Variants in PHF24 observed in about 807,000 individuals in gnomAD.
PHF24 encodes the protein Galpha inhibitory interacting protein.
PHF24 carries 25 observed loss-of-function variants against 42.6 expected under a neutral mutation model. The observed-to-expected ratio is 0.59, with a 90% CI of 0.43 to 0.82. The LOEUF (loss-of-function observed/expected upper bound fraction) is 0.82, where lower values mean the gene tolerates loss of function less well. Ranked by LOEUF, PHF24 falls within the 40% of genes least tolerant of loss-of-function variation. The probability of loss-of-function intolerance (pLI) is 0.00; values close to 1 mark genes in which losing one functional copy is unlikely to be tolerated. For missense variants in PHF24, 470 were observed against 538.1 expected (o/e 0.87, Z 1.25); for synonymous variants, 185 against 204.8 (o/e 0.90, Z 0.83).
At chr9:34,925,073 C>T in the PHF24 span, among the ~76,000 whole-genome samples, 1,805 of 152,204 alleles carry the variant, frequency 0.012, 17 homozygotes, top group South Asian at 0.051. Context: ...TTTTGCTTGT[C>T]TATGAAAGAT....
chr9:34,726,916 A>G, the PHF24 span: 3 of 1,551,650 alleles, frequency 1.9e-6, no homozygotes, highest in Admixed American at 3.9e-5. Context: ...GAGCCACAGA[A>G]TTGCAGATTT....
At chr9:34,801,097 C>G in the PHF24 span, among the ~76,000 whole-genome samples, 2 of 152,194 alleles carry the variant, frequency 1.3e-5, no homozygotes, top group Non-Finnish European at 1.5e-5. Flanking sequence ...AAATGCAAAT[C>G]AAAACCACAA....
At chr9:34,935,689 G>A in the PHF24 span, among the ~76,000 whole-genome samples, 13 of 151,508 alleles carry the variant, frequency 8.6e-5, no homozygotes. Flanking sequence ...AGAGAAAAGA[G>A]CCATAAATTA....
the PHF24 span, among the ~76,000 whole-genome samples, chr9:34,872,452 C>A: frequency 6.7e-6 from 1 of 148,806 alleles, no homozygotes; most frequent in Non-Finnish European, 1.5e-5. Flanking sequence ...TGAGAATATG[C>A]GGTGTCTGGT....
At chr9:34,962,438 A>G (rs1001512934) in intron 1 of PHF24, among the ~76,000 whole-genome samples, 3 of 149,626 alleles carry the variant, frequency 2.0e-5, no homozygotes, top group Admixed American at 6.6e-5. Flanking sequence ...TTTTTTTTCA[A>G]TCCTACACTT....
chr9:34,734,456 A>C, the PHF24 span, among the ~76,000 whole-genome samples: 2 of 152,146 alleles, frequency 1.3e-5, no homozygotes, highest in Non-Finnish European at 2.9e-5. Flanking sequence ...GGCCTGGGGA[A>C]AAGGAAGAGC....
the PHF24 span, among the ~76,000 whole-genome samples, chr9:34,756,349 T>C: frequency 6.6e-6 from 1 of 152,198 alleles, no homozygotes; most frequent in Non-Finnish European, 1.5e-5. Flanking sequence ...TCCAACCACC[T>C]TGGCCTCCCG....
chr9:34,811,989 G>A, the PHF24 span, among the ~76,000 whole-genome samples: 1 of 152,170 alleles, frequency 6.6e-6, no homozygotes, highest in African/African-American at 2.4e-5. Flanking sequence ...GATGTGAATA[G>A]ACATTTCTCC....
chr9:34,767,546 A>C, the PHF24 span, among the ~76,000 whole-genome samples: 1 of 152,236 alleles, frequency 6.6e-6, no homozygotes, highest in East Asian at 1.9e-4. Flanking sequence ...CCGTTTTTTA[A>C]GCCCGTCGGA....
At chr9:34,757,863 G>A in the PHF24 span, among the ~76,000 whole-genome samples, 9 of 152,232 alleles carry the variant, frequency 5.9e-5, no homozygotes, top group Middle Eastern at 3.4e-3. Flanking sequence ...TTTGGGGTCT[G>A]GCTTGCTGGG....
the PHF24 span, among the ~76,000 whole-genome samples, chr9:34,942,859 G>A: frequency 5.4e-4 from 82 of 151,192 alleles, no homozygotes; most frequent in Non-Finnish European, 3.3e-4. Flanking sequence ...TGGGATGGGG[G>A]GCAGGGGGGA....
intron 1 of PHF24, among the ~76,000 whole-genome samples, chr9:34,965,262 C>T (rs1029971770): frequency 1.3e-5 from 2 of 152,220 alleles, no homozygotes; most frequent in Admixed American, 1.3e-4. Context: ...TGATCCTCTC[C>T]ATTAAGTATT....
chr9:34,953,159 A>T (rs1476097378), upstream of PHF24, among the ~76,000 whole-genome samples: 1 of 152,230 alleles, frequency 6.6e-6, no homozygotes, highest in East Asian at 1.9e-4. This position sits in a 1 kb window ranked among gnomAD's most constrained non-coding sequence, Gnocchi z 4.1. Context: ...TCTGCAAAAG[A>T]CACGGTCAAG....
the PHF24 span, among the ~76,000 whole-genome samples, chr9:34,836,320 G>T: frequency 4.6e-5 from 7 of 152,188 alleles, no homozygotes; most frequent in African/African-American, 1.4e-4. Context: ...GTTCTGTGTT[G>T]GCCTTGTTGA....
intron 1 of PHF24, among the ~76,000 whole-genome samples, chr9:34,961,416 C>T (rs1208708409): frequency 6.6e-6 from 1 of 152,200 alleles, no homozygotes; most frequent in Admixed American, 6.5e-5. Flanking sequence ...CATCCCCCTC[C>T]ATTCTCCCCA....
chr9:34,827,099 T>C, the PHF24 span, among the ~76,000 whole-genome samples: 4 of 152,150 alleles, frequency 2.6e-5, no homozygotes, highest in Non-Finnish European at 4.4e-5. Flanking sequence ...CATGCTGGCC[T>C]CAAGCAGGTA....
At chr9:34,805,680 C>A in the PHF24 span, among the ~76,000 whole-genome samples, 4 of 152,130 alleles carry the variant, frequency 2.6e-5, no homozygotes, top group African/African-American at 9.7e-5. Flanking sequence ...CCTTGATAGT[C>A]CTTTGATGTG....
chr9:34,897,105 G>A, the PHF24 span, among the ~76,000 whole-genome samples: 8 of 151,662 alleles, frequency 5.3e-5, no homozygotes, highest in East Asian at 5.8e-4. Flanking sequence ...GCAGTGAGCC[G>A]AGATCACACC....
the PHF24 span, among the ~76,000 whole-genome samples, chr9:34,694,905 A>AT: frequency 1.3e-5 from 2 of 151,940 alleles, no homozygotes; most frequent in East Asian, 1.9e-4. Flanking sequence ...TTCCAGTTAA[A>AT]TTTTTTTTGA....
Sources: allele counts gnomAD v4.1 joint callset (sites outside exome capture counted in the v4.1 genomes callset), GRCh38; gene constraint gnomAD v4.1.1; non-coding constraint Gnocchi (gnomAD v3.1); transcripts MANE v1.5; gene names NCBI Gene and HGNC (gene_info 2026-07-23, HGNC 2026-07-21).